ABTB3: variants seen among roughly 807,000 people sequenced by gnomAD.
ABTB3 encodes the protein ankyrin repeat and BTB domain containing 3, also known as ankyrin repeat- and BTB/POZ domain-containing protein 3.
At chr12:107,654,296 T>A in the ABTB3 span, among the ~76,000 whole-genome samples, 1 of 150,184 alleles carries the variant, frequency 6.7e-6, no homozygotes, top group South Asian at 2.1e-4. Context: ...TGGGGTTTTC[T>A]TTGTTTTTGT....
the ABTB3 span, among the ~76,000 whole-genome samples, chr12:107,495,785 GC>G: frequency 6.6e-6 from 1 of 152,296 alleles, no homozygotes; most frequent in East Asian, 1.9e-4. Context: ...GTGCAGCTTT[GC>G]CCAGGTCACA....
chr12:107,435,663 A>C, the ABTB3 span, among the ~76,000 whole-genome samples: 1 of 152,248 alleles, frequency 6.6e-6, no homozygotes, highest in South Asian at 2.1e-4. Context: ...CTGAGCTGAT[A>C]CCCCTTGCTT....
the ABTB3 span, among the ~76,000 whole-genome samples, chr12:107,566,216 C>T: frequency 6.6e-6 from 1 of 152,124 alleles, no homozygotes; most frequent in Non-Finnish European, 1.5e-5. Context: ...TTCTTTCCTT[C>T]CTTTCTCTGT....
At chr12:107,629,681 G>T in the ABTB3 span, among the ~76,000 whole-genome samples, 2 of 128,682 alleles carry the variant, frequency 1.6e-5, no homozygotes, top group African/African-American at 5.8e-5. Flanking sequence ...AGACCAAATG[G>T]CCTGCTGCCC....
chr12:107,383,292 A>G, the ABTB3 span, among the ~76,000 whole-genome samples: 1 of 152,168 alleles, frequency 6.6e-6, no homozygotes, highest in African/African-American at 2.4e-5. Flanking sequence ...CCTTCCACCC[A>G]CAGCCCTGAG....
the ABTB3 span, among the ~76,000 whole-genome samples, chr12:107,375,704 C>G: frequency 1.3e-5 from 2 of 152,148 alleles, no homozygotes; most frequent in Admixed American, 1.3e-4. Context: ...GCCAGATGGT[C>G]TCTGAGGTTC....
chr12:107,377,541 T>C, the ABTB3 span, among the ~76,000 whole-genome samples: 1 of 152,170 alleles, frequency 6.6e-6, no homozygotes, highest in African/African-American at 2.4e-5. Flanking sequence ...CCTGGATCCC[T>C]GTGGGTCTTA....
chr12:107,487,432 G>T, the ABTB3 span, among the ~76,000 whole-genome samples: 4 of 152,032 alleles, frequency 2.6e-5, no homozygotes, highest in Non-Finnish European at 5.9e-5. Flanking sequence ...CTGTCTGCTG[G>T]GCTCTCACTA....
chr12:107,515,764 C>T, the ABTB3 span, among the ~76,000 whole-genome samples: 3 of 152,098 alleles, frequency 2.0e-5, no homozygotes, highest in Non-Finnish European at 4.4e-5. Flanking sequence ...AAGGTCTTTT[C>T]TTCCCTGAAA....
chr12:107,458,241 C>T, the ABTB3 span, among the ~76,000 whole-genome samples: 6 of 152,268 alleles, frequency 3.9e-5, no homozygotes, highest in African/African-American at 1.4e-4. Context: ...GTTATTTCAT[C>T]GTCCCCACTC....
the ABTB3 span, among the ~76,000 whole-genome samples, chr12:107,594,704 T>C: frequency 6.6e-6 from 1 of 151,920 alleles, no homozygotes; most frequent in Non-Finnish European, 1.5e-5. Flanking sequence ...CTTGGGACAG[T>C]GTGTTGAGGA....
chr12:107,407,509 T>C, the ABTB3 span, among the ~76,000 whole-genome samples: 1 of 152,198 alleles, frequency 6.6e-6, no homozygotes, highest in Non-Finnish European at 1.5e-5. Flanking sequence ...GGGGACACGC[T>C]TCTCATGGCG....
At chr12:107,325,316 T>C in the ABTB3 span, among the ~76,000 whole-genome samples, 2 of 152,226 alleles carry the variant, frequency 1.3e-5, no homozygotes, top group Admixed American at 6.5e-5. Flanking sequence ...TGCTGTTCTG[T>C]TGAGCAGTGT....
At chr12:107,506,390 A>G in the ABTB3 span, among the ~76,000 whole-genome samples, 1 of 152,178 alleles carries the variant, frequency 6.6e-6, no homozygotes, top group Non-Finnish European at 1.5e-5. Flanking sequence ...CTGGGAAAAC[A>G]TGTGTGCATG....
At chr12:107,583,789 T>G in the ABTB3 span, among the ~76,000 whole-genome samples, 32 of 152,342 alleles carry the variant, frequency 2.1e-4, no homozygotes, top group East Asian at 4.2e-3. Context: ...GAATGTGATG[T>G]GCACGCAGGC....
At chr12:107,612,695 A>C in the ABTB3 span, 2 of 1,306,210 alleles carry the variant, frequency 1.5e-6, no homozygotes, top group Non-Finnish European at 2.1e-6. Context: ...TCCGAAACAC[A>C]AGTAAGATTC....
the ABTB3 span, among the ~76,000 whole-genome samples, chr12:107,511,359 C>T: frequency 6.6e-6 from 1 of 152,206 alleles, no homozygotes; most frequent in Admixed American, 6.5e-5. Context: ...AAACATCAAC[C>T]ATTTTCTATT....
chr12:107,454,186 TC>T, the ABTB3 span, among the ~76,000 whole-genome samples: 1 of 152,246 alleles, frequency 6.6e-6, no homozygotes, highest in Non-Finnish European at 1.5e-5. Flanking sequence ...GCAGCATTAG[TC>T]CCTGCTAATG....
the ABTB3 span, among the ~76,000 whole-genome samples, chr12:107,337,355 C>A: frequency 1.3e-5 from 2 of 152,198 alleles, no homozygotes; most frequent in Non-Finnish European, 2.9e-5. Context: ...GGGATCTCAG[C>A]CCTCTGAATT....
Sources: gnomAD v4.1 joint callset for allele counts (sites outside exome capture counted in the v4.1 genomes callset) on GRCh38, gnomAD v4.1.1 for gene constraint, MANE v1.5 for transcripts, NCBI Gene and HGNC (gene_info 2026-07-23, HGNC 2026-07-21) for gene names.